ZPLD1: variants seen among roughly 807,000 people sequenced by gnomAD.
ZPLD1 encodes zona pellucida like domain containing 1, also known as zona pellucida-like domain-containing protein 1.
ZPLD1 carries 34 observed loss-of-function variants against 47.2 expected under a neutral mutation model. That is an observed-to-expected ratio of 0.72 (90% CI 0.55 to 0.96). The LOEUF (loss-of-function observed/expected upper bound fraction) is 0.96. ZPLD1 is among the 40% of genes least tolerant of loss of function. The probability of loss-of-function intolerance (pLI) is 0.00; values close to 1 mark genes in which losing one functional copy is unlikely to be tolerated. For synonymous variants in ZPLD1, 176 were observed against 186.2 expected (o/e 0.95, Z 0.45); for missense variants, 512 against 505.8 (o/e 1.01, Z -0.12).
chr3:102,432,612 A>C (rs1426727931), upstream of ZPLD1, among the ~76,000 whole-genome samples: 1 of 152,222 alleles, frequency 6.6e-6, no homozygotes, highest in Non-Finnish European at 1.5e-5. Context: ...GGCACTTTCG[A>C]ACATGTTCAC....
At chr3:102,437,414 G>A (rs1707106903) in intron 2 of ZPLD1, among the ~76,000 whole-genome samples, 1 of 152,100 alleles carries the variant, frequency 6.6e-6, no homozygotes, top group Non-Finnish European at 1.5e-5. Context: ...TTTTCCTAAA[G>A]ACTTGATTAA....
chr3:102,432,798 G>GA (rs139992909), upstream of ZPLD1, among the ~76,000 whole-genome samples: 3 of 150,546 alleles, frequency 2.0e-5, no homozygotes, highest in Non-Finnish European at 1.5e-5. Context: ...TAAATGGCAA[G>GA]AAAAAAAAAG....
chr3:102,413,016 A>G lies in ZPLD1; in HGVS notation c.-156-5044A>G, dbSNP rs79461907. Among the ~76,000 whole-genome samples, 50 of 151,948 alleles carry G rather than the reference A, an allele frequency of 3.3e-4. 1 individual carries two copies. In the East Asian group the frequency reaches 8.9e-3, roughly 27 times the overall value. On this transcript the variant is annotated intron_variant, in intron 7 of 17. Coordinates refer to the ZPLD1 transcript ENST00000491959. ...TTGACATTTGAAAAATTTGAAGCCT[A>G]TAATGATTTTACATGGCTATGCAGA... is the stretch of plus-strand genomic sequence containing the variant.
chr3:102,413,555 G>A (rs1030827332), intron 7 of ZPLD1, among the ~76,000 whole-genome samples: 6 of 151,656 alleles, frequency 4.0e-5, no homozygotes, highest in Non-Finnish European at 2.9e-5. Flanking sequence ...TAAGTATATG[G>A]TGCTTTTTAT....
At chr3:102,439,039 C>A (rs1707134951) in intron 3 of ZPLD1, among the ~76,000 whole-genome samples, 2 of 152,092 alleles carry the variant, frequency 1.3e-5, no homozygotes, top group African/African-American at 4.8e-5. Flanking sequence ...CACAGGTGAG[C>A]TTCAGAATGA....
At chr3:102,475,141 G>A (rs146134673) in intron 10 of ZPLD1, among the ~76,000 whole-genome samples, 1 of 152,128 alleles carries the variant, frequency 6.6e-6, no homozygotes, top group African/African-American at 2.4e-5. Context: ...ACCTGCCAAA[G>A]GTAGTATGCT....
At chr3:102,424,504 T>C (rs1257066510) in intron 8 of ZPLD1, among the ~76,000 whole-genome samples, 1 of 152,160 alleles carries the variant, frequency 6.6e-6, no homozygotes, top group African/African-American at 2.4e-5. Flanking sequence ...ACATTTTCTC[T>C]CAACATTGTT....
In ZPLD1 at chr3:102,474,850, G is replaced by C. The variant is rs181779626; in HGVS notation, c.1043-2162G>C. Among the ~76,000 whole-genome samples, 242 of 152,104 alleles carry C rather than the reference G, an allele frequency of 1.6e-3. 3 individuals are homozygous for C. Among genetic ancestry groups the C allele is most frequent in the African/African-American group, 5.6e-3 (233 of 41,478 alleles). ...TTCCAATCAGTTCTAATTCCAGAAG[G>C]CTTCAGGTGTTTCTTTTAGCATATA... On this transcript the variant is annotated intron_variant, in intron 10 of 11. Coordinates refer to ENST00000466937, the MANE Select transcript of ZPLD1 (RefSeq NM_001329788.2).
intron 6 of ZPLD1, among the ~76,000 whole-genome samples, chr3:102,458,153 G>T (rs1043367382): frequency 1.3e-5 from 2 of 152,086 alleles, no homozygotes; most frequent in Admixed American, 6.6e-5. Context: ...TTAGGTAGGG[G>T]TGTGTGAGTA....
rs183838470 is a variant in ZPLD1, at chr3:102,445,080, A to T, written c.106+6487A>T. ...GCCAGAAATGCTTTTTTATGAAAACACTGCCCCGCTTGGTGTAGCTGCCTT... is the reference window on the plus strand; with the variant it reads ...GCCAGAAATGCTTTTTTATGAAAACTCTGCCCCGCTTGGTGTAGCTGCCTT... On this transcript the variant is annotated intron_variant, in intron 3 of 11. Transcript: ENST00000466937. Among the ~76,000 whole-genome samples the T allele has an allele frequency of 2.0e-5, 3 of 152,276 alleles. No individual in the cohort carries two copies. The East Asian group carries it at 5.8e-4, about 29-fold the overall frequency.
intron 5 of ZPLD1, 70 bp from the exon 6 acceptor site, chr3:102,457,711 G>A (rs1307330843): frequency 1.4e-6 from 2 of 1,390,562 alleles, no homozygotes; most frequent in Admixed American, 1.7e-5. Flanking sequence ...AGTGCTTTAA[G>A]TCTAACATCT....
chr3:102,458,814 G>GCA (rs1239453301), intron 6 of ZPLD1, among the ~76,000 whole-genome samples: 1 of 152,154 alleles, frequency 6.6e-6, no homozygotes, highest in Non-Finnish European at 1.5e-5. Flanking sequence ...TGTCGGCCGG[G>GCA]TGCTGTGGCT....
At chr3:102,420,674 T>C (rs1706866529) in intron 8 of ZPLD1, among the ~76,000 whole-genome samples, 1 of 151,778 alleles carries the variant, frequency 6.6e-6, no homozygotes, top group South Asian at 2.1e-4. Context: ...AATAGGTGAT[T>C]GGCAGAATTT....
intron 7 of ZPLD1, among the ~76,000 whole-genome samples, chr3:102,414,129 T>C (rs1436633812): frequency 6.6e-6 from 1 of 151,762 alleles, no homozygotes; most frequent in Non-Finnish European, 1.5e-5. Flanking sequence ...CTTCCAGCCT[T>C]GGTGGTCCTT....
rs937166683 is a variant in ZPLD1, at chr3:102,474,443, A to C, written c.1043-2569A>C. On this transcript the variant is annotated intron_variant, in intron 10 of 11. Coordinates refer to ENST00000466937, the MANE Select transcript of ZPLD1 (RefSeq NM_001329788.2). ...GCACTCGTCTAGGAACTGGGAGTAT[A>C]GTAGAGAACAGGCCACAGACTTTGT... Among the ~76,000 whole-genome samples the C allele has an allele frequency of 9.2e-5, 14 of 152,308 alleles. No individual in the cohort carries two copies. The South Asian group carries it at 2.7e-3, about 29-fold the overall frequency.
chr3:102,421,008 T>C (rs1706871229), intron 8 of ZPLD1, among the ~76,000 whole-genome samples: 1 of 151,876 alleles, frequency 6.6e-6, no homozygotes, highest in Admixed American at 6.6e-5. Context: ...CAAATGAAAA[T>C]GTCAATGGCT....
At position 102,444,058 on chromosome 3, in the gene ZPLD1, C is replaced by A. The variant is rs536332641; in HGVS notation, c.106+5465C>A. Reference sequence around the variant, plus strand: ...GTGCAGTGGAGAAGATAGCAATTAGCAAATTCAATGAGTAATTCAGGGTCC... The same window carrying A: ...GTGCAGTGGAGAAGATAGCAATTAGAAAATTCAATGAGTAATTCAGGGTCC... On this transcript the variant is annotated intron_variant, in intron 3 of 11. Transcript: ENST00000466937. Among the ~76,000 whole-genome samples the A allele has an allele frequency of 1.4e-4, 21 of 152,334 alleles. 1 individual carries two copies. Among genetic ancestry groups the A allele is most frequent in the African/African-American group, 5.1e-4 (21 of 41,580 alleles).
chr3:102,414,643 T>C (rs930738617), intron 7 of ZPLD1, among the ~76,000 whole-genome samples: 2 of 151,816 alleles, frequency 1.3e-5, no homozygotes, highest in Admixed American at 1.3e-4. Flanking sequence ...GAATTGATCA[T>C]GTGTAAATAA....
Position 102,429,372 on chromosome 3 carries a change from T to C in ZPLD1, c.-8-9108T>C, listed in dbSNP as rs566241945. On this transcript the variant is annotated intron_variant, in intron 8 of 17. Transcript: ENST00000491959. ...GACAGAATCTTGCATTTTCTCCCAT[T>C]CTTCTGGTCTGGTAGGACCATGGAA... 1.7e-3 allele frequency among the ~76,000 whole-genome samples: 255 copies of C among 152,304 alleles called. 2 individuals carry two copies. Among genetic ancestry groups the C allele is most frequent in the East Asian group, 7.7e-4 (4 of 5,186 alleles).
Sources: allele counts gnomAD v4.1 joint callset (sites outside exome capture counted in the v4.1 genomes callset), GRCh38; gene constraint gnomAD v4.1.1; transcripts MANE v1.5; gene names NCBI Gene and HGNC (gene_info 2026-07-23, HGNC 2026-07-21).